LDLRAP1: variants seen among roughly 807,000 people sequenced by gnomAD.
The protein encoded by LDLRAP1 is low density lipoprotein receptor adapter protein 1.
In LDLRAP1, 30 loss-of-function variants were observed where a neutral mutation model predicts 37.8. That is an observed-to-expected ratio of 0.79 (90% CI 0.59 to 1.08). The LOEUF is 1.08. Ranked by LOEUF, LDLRAP1 falls within the 50% of genes least tolerant of loss-of-function variation. LDLRAP1 has a pLI of 0.00. For missense variants in LDLRAP1, 375 were observed against 401.6 expected, an observed-to-expected ratio of 0.93 and a Z score of 0.57; for synonymous variants, 156 against 169.8, an observed-to-expected ratio of 0.92 and a Z score of 0.63.
intron 1 of LDLRAP1, among the ~76,000 whole-genome samples, chr1:25,548,687 T>C (rs1015285377): frequency 6.6e-6 from 1 of 152,032 alleles, no homozygotes; most frequent in African/African-American, 2.4e-5. Flanking sequence ...TTTATTTATT[T>C]ATTTGAGACA....
At position 25,544,872 on chromosome 1, in the gene LDLRAP1, G is replaced by T. The variant is rs114589198; in HGVS notation, c.88+1086G>T. Among the ~76,000 whole-genome samples, 2,207 of 152,294 alleles carry T rather than the reference G, an allele frequency of 0.014. 51 individuals carry two copies. Among genetic ancestry groups the T allele is most frequent in the African/African-American group, 0.051 (2,104 of 41,552 alleles). ...CACCCCCTCATCCCATCCCCTCTTG[G>T]CCTTACAGGGCTCTGCCAGGGGAGC... On this transcript the variant is annotated intron_variant, in intron 1 of 8. Coordinates refer to ENST00000374338, the MANE Select transcript of LDLRAP1 (RefSeq NM_015627.3). The surrounding 1 kb of genome is among the most constrained non-coding windows in gnomAD (Gnocchi z 4.8).
chr1:25,584,060 C>A, the LDLRAP1 span, among the ~76,000 whole-genome samples: 1 of 152,148 alleles, frequency 6.6e-6, no homozygotes, highest in South Asian at 2.1e-4. Context: ...CTTCATCCAC[C>A]CAGACCGTGC....
rs1054685837 is a variant in LDLRAP1 at position 25,562,917 on chromosome 1, G to T, written c.533-153G>T. The T allele has an allele frequency of 5.8e-6, 5 of 856,680 alleles. No homozygotes were observed. In the Admixed American group the frequency reaches 7.7e-5, roughly 13 times the overall value. The allele number at this position is 856,680 out of a possible 1,614,324, so 53.1% of individuals were successfully genotyped here. A position where few individuals can be genotyped will look rare whatever the true frequency, so the allele number is the denominator to read the frequency against. ...CTCCCTCCCCAAAGGTGCTTGTGAG[G>T]ATTAACTGACATCCGAAAGGTTTCT... On this transcript the variant is annotated intron_variant, in intron 5 of 8. Coordinates refer to ENST00000374338, the MANE Select transcript of LDLRAP1 (RefSeq NM_015627.3).
rs2044547753 is a variant in LDLRAP1, at chr1:25,568,621, C to T, written c.*1629C>T. On this transcript the variant is annotated 3_prime_UTR_variant, in exon 9 of 9. Coordinates refer to ENST00000374338, the MANE Select transcript of LDLRAP1 (RefSeq NM_015627.3). ...CATGAGGATAACTTCCTTGCCCCTG[C>T]TCTGTAGCCACCTCCTTGGCACCGG... The T allele has an allele frequency of 6.6e-6, 1 of 152,258 alleles. No individual in the cohort carries two copies. The highest frequency in any genetic ancestry group is 2.4e-5 in the African/African-American group (1 of 41,458). 9.4% of individuals were successfully genotyped at this position (152,258 alleles called of 1,614,324 possible). A position where few individuals can be genotyped will look rare whatever the true frequency, so the allele number is the denominator to read the frequency against.
the LDLRAP1 span, among the ~76,000 whole-genome samples, chr1:25,589,860 T>A: frequency 6.6e-6 from 1 of 152,232 alleles, no homozygotes; most frequent in African/African-American, 2.4e-5. Flanking sequence ...CCCGGCACTT[T>A]GGGAGGCCGA....
chr1:25,552,192 A>G (rs568658593), intron 1 of LDLRAP1, among the ~76,000 whole-genome samples: 4 of 152,178 alleles, frequency 2.6e-5, no homozygotes, highest in Admixed American at 6.5e-5. Flanking sequence ...GGACCTGGTG[A>G]TGCCACCTGG....
chr1:25,563,264 GT>G, intron 6 of LDLRAP1, 111 bp downstream of exon 6: 2 of 789,416 alleles, frequency 2.5e-6, no homozygotes, highest in East Asian at 5.2e-5. Flanking sequence ...TTTCACTTGT[GT>G]TTTGTTAAAT....
At chr1:25,582,396 C>G in the LDLRAP1 span, among the ~76,000 whole-genome samples, 3 of 151,898 alleles carry the variant, frequency 2.0e-5, no homozygotes, top group Non-Finnish European at 4.4e-5. Context: ...ACCATCCTGG[C>G]GAACACGGTG....
chr1:25,570,699 A>T (rs2044592952), downstream of LDLRAP1, among the ~76,000 whole-genome samples: 1 of 152,110 alleles, frequency 6.6e-6, no homozygotes, highest in Non-Finnish European at 1.5e-5. Flanking sequence ...CTCTACTAAA[A>T]ATACAAAAAA....
intron 1 of LDLRAP1, among the ~76,000 whole-genome samples, chr1:25,550,197 C>G (rs1198980226): frequency 2.0e-5 from 3 of 152,162 alleles, no homozygotes. Context: ...GGGCCTGCCT[C>G]TCTGCTAAAT....
At chr1:25,576,162 G>A in the LDLRAP1 span, among the ~76,000 whole-genome samples, 2 of 152,092 alleles carry the variant, frequency 1.3e-5, no homozygotes, top group South Asian at 4.1e-4. Flanking sequence ...AATTCGGGAG[G>A]CAGAGGTTGC....
the LDLRAP1 span, among the ~76,000 whole-genome samples, chr1:25,581,156 G>A: frequency 6.6e-6 from 1 of 152,180 alleles, no homozygotes. Context: ...TGGGGTGTGA[G>A]GAACATGTGT....
At chr1:25,587,906 A>T in the LDLRAP1 span, among the ~76,000 whole-genome samples, 2 of 152,162 alleles carry the variant, frequency 1.3e-5, no homozygotes, top group Non-Finnish European at 2.9e-5. Context: ...AAAGAAGTAG[A>T]CATAAGAGAC....
chr1:25,547,165 G>T (rs2043954310), intron 1 of LDLRAP1, among the ~76,000 whole-genome samples: 1 of 152,014 alleles, frequency 6.6e-6, no homozygotes, highest in Non-Finnish European at 1.5e-5. Flanking sequence ...AGAAGGGAGG[G>T]GAGTCCACAA....
intron 5 of LDLRAP1, 40 bp downstream of exon 5, chr1:25,562,756 G>A (rs1572051587): frequency 6.3e-7 from 1 of 1,576,972 alleles, no homozygotes; most frequent in East Asian, 2.2e-5. Context: ...GGTGGGAGGT[G>A]GGGAGACACA....
chr1:25,582,850 T>C, the LDLRAP1 span, among the ~76,000 whole-genome samples: 1 of 151,928 alleles, frequency 6.6e-6, no homozygotes, highest in Non-Finnish European at 1.5e-5. Flanking sequence ...GGTGGGCGGA[T>C]TACCTGAGGT....
chr1:25,563,524 G>A, intron 6 of LDLRAP1, 137 bp from the exon 7 acceptor site: 1 of 1,151,994 alleles, frequency 8.7e-7, no homozygotes, highest in Admixed American at 2.0e-5. Context: ...CTGTGGGGAG[G>A]TGCCAGGGCC....
the LDLRAP1 span, among the ~76,000 whole-genome samples, chr1:25,588,031 T>C: frequency 6.6e-6 from 1 of 152,214 alleles, no homozygotes; most frequent in African/African-American, 2.4e-5. Flanking sequence ...CAGGGTTAAA[T>C]GGATTAAGGG....
chr1:25,566,747 G>A (rs2044491441), intron 8 of LDLRAP1, 101 bp from the exon 9 acceptor site: 1 of 1,439,332 alleles, frequency 6.9e-7, no homozygotes, highest in Non-Finnish European at 9.5e-7. Context: ...TCCTTCTTGG[G>A]CCATGTGCCC....
Sources: allele counts gnomAD v4.1 joint callset (sites outside exome capture counted in the v4.1 genomes callset), GRCh38; gene constraint gnomAD v4.1.1; non-coding constraint Gnocchi (gnomAD v3.1); transcripts MANE v1.5; gene names NCBI Gene and HGNC (gene_info 2026-07-23, HGNC 2026-07-21).